ANKS1B: variants seen among roughly 807,000 people sequenced by gnomAD.
The protein encoded by ANKS1B is ankyrin repeat and sterile alpha motif domain-containing protein 1B.
A neutral mutation model predicts 148.3 loss-of-function variants in ANKS1B; 36 were observed. The observed-to-expected ratio is 0.24, with a 90% CI of 0.19 to 0.32. ANKS1B has a LOEUF of 0.32. Ranked by LOEUF, ANKS1B falls within the 10% of genes least tolerant of loss-of-function variation. ANKS1B has a pLI of 1.00. For missense variants in ANKS1B, 1,157 were observed against 1,542.6 expected, an observed-to-expected ratio of 0.75 and a Z score of 4.19; for synonymous variants, 542 against 560.8, an observed-to-expected ratio of 0.97 and a Z score of 0.47.
chr12:99,139,573 G>T (rs78267249), intron 15 of ANKS1B, among the ~76,000 whole-genome samples: 1 of 146,592 alleles, frequency 6.8e-6, no homozygotes, highest in Non-Finnish European at 1.5e-5. Context: ...GCCACTGTGC[G>T]CAGCCAGTCA....
intron 9 of ANKS1B, among the ~76,000 whole-genome samples, chr12:99,547,750 G>A (rs969519085): frequency 1.3e-5 from 2 of 152,194 alleles, no homozygotes; most frequent in African/African-American, 4.8e-5. Flanking sequence ...ACACTCCCAT[G>A]TCTTGGGAAT....
chr12:98,942,800 TAA>T (rs1021094427), intron 17 of ANKS1B, among the ~76,000 whole-genome samples: 3 of 152,190 alleles, frequency 2.0e-5, no homozygotes, highest in Non-Finnish European at 2.9e-5. Flanking sequence ...TCTTTAAATA[TAA>T]GTCGGTGTCA....
chr12:98,838,898 C>T (rs1032885433), intron 17 of ANKS1B, among the ~76,000 whole-genome samples: 3 of 152,114 alleles, frequency 2.0e-5, no homozygotes, highest in Non-Finnish European at 4.4e-5. Context: ...AAGTTTTCCC[C>T]CCTGCCTGAT....
At chr12:98,803,323 G>C (rs1181455638) in intron 20 of ANKS1B, among the ~76,000 whole-genome samples, 1 of 152,090 alleles carries the variant, frequency 6.6e-6, no homozygotes, top group East Asian at 1.9e-4. Flanking sequence ...TTAAACAAAA[G>C]CTTTACCCAA....
chr12:98,940,290 G>A (rs1042341811), intron 17 of ANKS1B, among the ~76,000 whole-genome samples: 6 of 152,240 alleles, frequency 3.9e-5, no homozygotes, highest in Non-Finnish European at 8.8e-5. Context: ...CAGGCAGCCA[G>A]ATGGGAGCCT....
intron 14 of ANKS1B, among the ~76,000 whole-genome samples, chr12:99,167,267 C>A (rs369676785): frequency 1.9e-4 from 29 of 152,036 alleles, no homozygotes; most frequent in African/African-American, 6.3e-4. Flanking sequence ...TCAGACTCTT[C>A]CCTTTGAAAG....
rs10507106 is a variant in ANKS1B, at chr12:99,096,173, C to T, written c.2527-11150G>A. Among the ~76,000 whole-genome samples the T allele has an allele frequency of 7.9e-3, 1,209 of 152,138 alleles. 16 individuals carry two copies. Among genetic ancestry groups the T allele is most frequent in the East Asian group, 0.052 (268 of 5,168 alleles). The stretch of plus-strand genomic sequence containing the variant: ...AACATTTAGGGGTATGTTAGGTTGA[C>T]CTTAGTGTGTAGCTCTTCCAGGAAC... On this transcript the variant is annotated intron_variant, in intron 15 of 26. Coordinates refer to ENST00000683438, the MANE Select transcript of ANKS1B (RefSeq NM_001352186.2).
chr12:99,883,616 C>G (rs752038604), intron 1 of ANKS1B, among the ~76,000 whole-genome samples: 952 of 87,572 alleles, frequency 0.011, 11 homozygotes, highest in African/African-American at 0.029. Context: ...AGACTTGGGG[C>G]AGGGGGGAAT....
chr12:99,838,493 C>T (rs1247867717), intron 1 of ANKS1B, among the ~76,000 whole-genome samples: 1 of 151,956 alleles, frequency 6.6e-6, no homozygotes, highest in Non-Finnish European at 1.5e-5. Context: ...ATTATTTTTA[C>T]TGATTTTCAT....
At chr12:98,772,966 T>C in intron 25 of ANKS1B, 76 bp downstream of exon 25, 1 of 1,531,742 alleles carries the variant, frequency 6.5e-7, no homozygotes, top group Non-Finnish European at 8.9e-7. Flanking sequence ...GTGTGTTAAT[T>C]ATAAGTTGGG....
At chr12:98,748,648 C>G (rs2097968250) in intron 26 of ANKS1B, among the ~76,000 whole-genome samples, 1 of 152,188 alleles carries the variant, frequency 6.6e-6, no homozygotes, top group Non-Finnish European at 1.5e-5. Flanking sequence ...ATATTTCTTA[C>G]CAAGAAATGC....
At chr12:99,434,184 T>C (rs1169298081) in intron 11 of ANKS1B, among the ~76,000 whole-genome samples, 2 of 152,098 alleles carry the variant, frequency 1.3e-5, no homozygotes, top group Non-Finnish European at 2.9e-5. Context: ...AAGATGTAAT[T>C]GACTGCACCC....
At chr12:99,005,232 A>G (rs962168046) in intron 17 of ANKS1B, among the ~76,000 whole-genome samples, 1 of 152,212 alleles carries the variant, frequency 6.6e-6, no homozygotes, top group Non-Finnish European at 1.5e-5. Context: ...GATGGGCTCC[A>G]TTCCACAGCC....
rs185436771 is a variant in ANKS1B, at chr12:99,625,375, G to A, written c.1272+29692C>T. Among the ~76,000 whole-genome samples the A allele has an allele frequency of 1.9e-3, 283 of 151,950 alleles. 8 individuals are homozygous for A. The South Asian group carries it at 0.046, about 25-fold the overall frequency. On this transcript the variant is annotated intron_variant, in intron 9 of 26. Transcript: ENST00000683438. ...TGTAGCAAATCTGCACATGTACCCC[G>A]ACTCTAAAATAAAAATAGAAATTTT...
At chr12:98,918,521 C>T (rs1174926846) in intron 17 of ANKS1B, among the ~76,000 whole-genome samples, 1 of 152,186 alleles carries the variant, frequency 6.6e-6, no homozygotes. Context: ...TCATTTTTTC[C>T]TGTATTACAA....
chr12:99,773,082 G>T lies in ANKS1B; in HGVS notation c.968C>A (p.Thr323Asn). The T allele has an allele frequency of 6.9e-6, 11 of 1,600,678 alleles. No individual in the cohort carries two copies. Among genetic ancestry groups the T allele is most frequent in the Non-Finnish European group, 9.4e-6 (11 of 1,174,342 alleles). ...ESPSQKTKSE[T>N]VTGELSKLLD... ...GAGTTTTGATAATTCTCCAGTGACG[G>T]TTTCACCTATGAGAATAATTTTTTC... Residue 323 changes from threonine to asparagine, a missense_variant, in exon 8 of 27, where the codon ACC becomes AAC. By Grantham distance (65) the Thr-to-Asn change is moderately conservative (BLOSUM62 0). This residue lies in a region of ANKS1B where 661 missense variants were observed against 642.1 expected (regional missense o/e 1.03). Coordinates refer to ENST00000683438, the MANE Select transcript of ANKS1B (RefSeq NM_001352186.2).
intron 15 of ANKS1B, among the ~76,000 whole-genome samples, chr12:99,105,866 C>T (rs2153689193): frequency 6.6e-6 from 1 of 151,714 alleles, no homozygotes; most frequent in South Asian, 2.1e-4. Flanking sequence ...TTAAGGAAAT[C>T]AGGCATAGTC....
chr12:99,290,210 A>G (rs1229287371), intron 12 of ANKS1B, among the ~76,000 whole-genome samples: 1 of 151,642 alleles, frequency 6.6e-6, no homozygotes, highest in Non-Finnish European at 1.5e-5. Flanking sequence ...ACCAAGATTG[A>G]AGGCTGAAGA....
intron 1 of ANKS1B, among the ~76,000 whole-genome samples, chr12:99,865,273 T>G (rs1464388381): frequency 2.0e-5 from 3 of 152,214 alleles, no homozygotes; most frequent in Admixed American, 2.0e-4. Context: ...TATGTAAACA[T>G]GGAAAACTGA....
Sources: gnomAD v4.1 joint callset for allele counts (sites outside exome capture counted in the v4.1 genomes callset) on GRCh38, gnomAD v4.1.1 for gene constraint, gnomAD v4.1.1 regional missense constraint, MANE v1.5 for transcripts, NCBI Gene and HGNC (gene_info 2026-07-23, HGNC 2026-07-21) for gene names.